The following SLC34A1 variants were observed in gnomAD, a reference collection of about 807,000 sequenced individuals.
The protein encoded by SLC34A1 is solute carrier family 34 member 1.
Under a neutral mutation model 51.4 loss-of-function variants are expected in SLC34A1, and 57 were observed. That is an observed-to-expected ratio of 1.11 (90% confidence interval 0.90 to 1.38). The LOEUF is 1.38. SLC34A1 is among the 40% of genes most tolerant of loss of function. SLC34A1 has a pLI of 0.00. For synonymous variants in SLC34A1, 368 were observed against 358.0 expected (o/e 1.03, Z -0.32); for missense variants, 796 against 835.6 (o/e 0.95, Z 0.58).
rs1439636975 is a variant in SLC34A1 at position 177,389,721 on chromosome 5, C to T, written c.936+1349C>T. 3.3e-6 allele frequency: 5 copies of T among 1,537,138 alleles called. No homozygotes were observed. In the South Asian group the frequency reaches 4.8e-5, roughly 15 times the overall value. On this transcript the variant is annotated intron_variant, in intron 8 of 12. Transcript: ENST00000324417. ...GAAGACAGCTCTGTTCCTCACTGCC[C>T]CTGAGCTCCCTGCCGGCCACCTACT... is the stretch of plus-strand genomic sequence containing the variant.
At chr5:177,387,199 T>C (rs1240574170) in intron 5 of SLC34A1, among the ~76,000 whole-genome samples, 5 of 148,956 alleles carry the variant, frequency 3.4e-5, no homozygotes, top group Admixed American at 6.7e-5. Flanking sequence ...TGAAACCCTG[T>C]CTCTACTAAA....
chr5:177,387,785 C>G lies in SLC34A1; in HGVS notation c.556C>G (p.Pro186Ala). Residue 186 changes from proline (P) to alanine (A), a missense_variant, in exon 6 of 13, where the codon CCC (proline) becomes GCC (alanine). Pro to Ala is a conservative substitution (Grantham distance 27). Transcript: ENST00000324417. Reference sequence around the variant, plus strand: ...AGTGCTGGAGGTGAGCTCTGCCATCCCCATCATCATGGGCTCCAACATCGG... The same window carrying G: ...AGTGCTGGAGGTGAGCTCTGCCATCGCCATCATCATGGGCTCCAACATCGG... ...SGLLEVSSAI[P>A]IIMGSNIGTS... 6.2e-7 allele frequency: 1 copy of G among 1,613,968 alleles called. No homozygotes were observed. The highest frequency in any genetic ancestry group is 8.5e-7 in the Non-Finnish European group (1 of 1,179,956).
At chr5:177,393,829 T>C (rs1581645265) in intron 9 of SLC34A1, 66 bp downstream of exon 9, 9 of 1,546,694 alleles carry the variant, frequency 5.8e-6, no homozygotes, top group Non-Finnish European at 8.9e-7. Flanking sequence ...GGCAGGGCAA[T>C]CCCACACAGC....
Position 177,395,971 on chromosome 5 carries a change from G to C in SLC34A1, c.1175-762G>C, listed in dbSNP as rs1762940836. ...CCATAAATTTTTTTTATAGAGATGGGCTCTCACTATGTTGGTCAGGCTAGT... is the reference window on the plus strand; with the variant it reads ...CCATAAATTTTTTTTATAGAGATGGCCTCTCACTATGTTGGTCAGGCTAGT... On this transcript the variant is annotated intron_variant, in intron 10 of 12. Coordinates refer to ENST00000324417, the MANE Select transcript of SLC34A1 (RefSeq NM_003052.5). Among the ~76,000 whole-genome samples the C allele has an allele frequency of 2.0e-5, 3 of 151,970 alleles. No homozygotes were observed. In the South Asian group the frequency reaches 6.2e-4, roughly 32 times the overall value.
In SLC34A1 at chr5:177,388,717, G is replaced by A. The variant is rs113019351; in HGVS notation, c.936+345G>A. ...ACCTACTGAATCTGGAAACCCCTGG[G>A]AGCGGGGCCAATGGCCTATGCTTCA... On this transcript the variant is annotated intron_variant, in intron 8 of 12. Coordinates refer to ENST00000324417, the MANE Select transcript of SLC34A1 (RefSeq NM_003052.5). The surrounding 1 kb of genome is among the most constrained non-coding windows in gnomAD (Gnocchi z 4.3). Among the ~76,000 whole-genome samples, 4 of 152,214 alleles carry A rather than the reference G, an allele frequency of 2.6e-5. No homozygotes were observed. The highest frequency in any genetic ancestry group is 9.6e-5 in the African/African-American group (4 of 41,502).
At chr5:177,391,875 A>G (rs1472569296) in intron 8 of SLC34A1, among the ~76,000 whole-genome samples, 2 of 152,218 alleles carry the variant, frequency 1.3e-5, no homozygotes, top group Non-Finnish European at 2.9e-5. Context: ...TGGCTTACCC[A>G]GGGTGGTTGG....
chr5:177,396,897 G>A lies in SLC34A1; in HGVS notation c.1291+48G>A, dbSNP rs1248932664. Reference sequence around the variant, plus strand: ...AGTGGGGTGGGCCAGGGCTGGCAGGGAAAGGGCCGAAGGAGACGCTGGGGG... The same window carrying A: ...AGTGGGGTGGGCCAGGGCTGGCAGGAAAAGGGCCGAAGGAGACGCTGGGGG... On this transcript the variant is annotated intron_variant, in intron 11 of 12. Coordinates refer to ENST00000324417, the MANE Select transcript of SLC34A1 (RefSeq NM_003052.5). This position sits in a 1 kb window ranked among gnomAD's most constrained non-coding sequence, Gnocchi z 4.0. 1.9e-6 allele frequency: 3 copies of A among 1,614,058 alleles called. No individual in the cohort carries two copies. Among genetic ancestry groups the A allele is most frequent in the African/African-American group, 2.7e-5 (2 of 74,952 alleles).
rs750014198 is a variant in SLC34A1, at chr5:177,393,779, A to G, written c.1006+16A>G. 2 of 1,613,816 alleles carry G rather than the reference A, an allele frequency of 1.2e-6. No homozygotes were observed. The highest frequency in any genetic ancestry group is 1.1e-5 in the South Asian group (1 of 91,066). On this transcript the variant is annotated intron_variant, in intron 9 of 12. Coordinates refer to ENST00000324417, the MANE Select transcript of SLC34A1 (RefSeq NM_003052.5). ...ATGGAGAAATGTAAGTGCCTGCAAC[A>G]TGGGAGGTGTCCTGCATGGCAGGGG...
chr5:177,386,195 C>G lies in SLC34A1; in HGVS notation c.260-26C>G, dbSNP rs2127346398. The G allele has an allele frequency of 1.2e-6, 2 of 1,614,152 alleles. No individual in the cohort carries two copies. The highest frequency in any genetic ancestry group is 4.5e-5 in the East Asian group (2 of 44,872). ...CAGTCCCTGCCCTGGCCTCTGCCCA[C>G]TATGCTCATGGCTTCCCCCATCCAG... On this transcript the variant is annotated intron_variant, in intron 3 of 12. Coordinates refer to ENST00000324417, the MANE Select transcript of SLC34A1 (RefSeq NM_003052.5). The surrounding 1 kb of genome is among the most constrained non-coding windows in gnomAD (Gnocchi z 4.8).
chr5:177,393,969 A>G, intron 9 of SLC34A1, 59 bp from the exon 10 acceptor site: 1 of 1,608,566 alleles, frequency 6.2e-7, no homozygotes, highest in Non-Finnish European at 8.5e-7. Flanking sequence ...CTGGGTGGCA[A>G]AGGTGGGGAC....
At chr5:177,390,672 G>A (rs1020619854) in intron 8 of SLC34A1, among the ~76,000 whole-genome samples, 1 of 151,680 alleles carries the variant, frequency 6.6e-6, no homozygotes, top group African/African-American at 2.4e-5. Context: ...TCTCCTTTTC[G>A]CCACCAGGTG....
At chr5:177,395,777 G>A (rs952608396) in intron 10 of SLC34A1, among the ~76,000 whole-genome samples, 3 of 152,166 alleles carry the variant, frequency 2.0e-5, no homozygotes, top group African/African-American at 7.2e-5. Flanking sequence ...GGGATTACAG[G>A]TGTGCACCGC....
intron 1 of SLC34A1, 72 bp from the exon 2 acceptor site, chr5:177,385,623 A>G: frequency 1.3e-6 from 1 of 752,226 alleles, no homozygotes; most frequent in Non-Finnish European, 2.4e-6. Context: ...ATTTGGAATC[A>G]TGCGCCATGG....
chr5:177,387,878 GGGGGGCT>G lies in SLC34A1; in HGVS notation c.644+11_644+17del. On this transcript the variant is annotated splice_donor_region_variant and intron_variant, in intron 6 of 12. Coordinates refer to ENST00000324417, the MANE Select transcript of SLC34A1 (RefSeq NM_003052.5). The stretch of plus-strand genomic sequence containing the variant: ...GGACAGGACTGACTTCCGGCGGTGA[GGGGGGCT>G]GGGGGTTGGGGGCTCGTGCCTGGGG... 1 of 1,609,356 alleles carries G rather than the reference GGGGGGCT, an allele frequency of 6.2e-7. No individual in the cohort carries two copies. Among genetic ancestry groups the G allele is most frequent in the Non-Finnish European group, 8.5e-7 (1 of 1,177,550 alleles).
Position 177,386,612 on chromosome 5 carries a change from A to G in SLC34A1, c.532+46A>G. 6.2e-7 allele frequency: 1 copy of G among 1,610,740 alleles called. No homozygotes were observed. Among genetic ancestry groups the G allele is most frequent in the Non-Finnish European group, 8.5e-7 (1 of 1,179,366 alleles). On this transcript the variant is annotated intron_variant, in intron 5 of 12. Coordinates refer to ENST00000324417, the MANE Select transcript of SLC34A1 (RefSeq NM_003052.5). The surrounding 1 kb of genome is among the most constrained non-coding windows in gnomAD (Gnocchi z 4.8). ...GGGGAAGAGCTTGGAGGGGCACCCC[A>G]GGAGCTGGGAAGGGTGGCAAATGGG...
chr5:177,385,068 G>A (rs554285665), intron 1 of SLC34A1, among the ~76,000 whole-genome samples: 25 of 152,190 alleles, frequency 1.6e-4, no homozygotes, highest in African/African-American at 6.0e-4. Flanking sequence ...TGCCCCTTGA[G>A]GGGGTGGATG....
intron 10 of SLC34A1, among the ~76,000 whole-genome samples, chr5:177,394,687 T>C (rs989950420): frequency 5.8e-5 from 8 of 136,838 alleles, no homozygotes; most frequent in African/African-American, 2.2e-4. Flanking sequence ...TGAGACTTTG[T>C]CTTTTTTTTT....
At chr5:177,387,714 G>A (rs777222702) in intron 5 of SLC34A1, 48 bp from the exon 6 acceptor site, 1 of 1,494,502 alleles carries the variant, frequency 6.7e-7, no homozygotes, top group South Asian at 1.1e-5. Context: ...TGGTGGTGCA[G>A]GAGCTGGGTG....
In SLC34A1 at chr5:177,386,190, G is replaced by A. The variant is rs753775322; in HGVS notation, c.260-31G>A. Reference sequence around the variant, plus strand: ...GGCAGCAGTCCCTGCCCTGGCCTCTGCCCACTATGCTCATGGCTTCCCCCA... The same window carrying A: ...GGCAGCAGTCCCTGCCCTGGCCTCTACCCACTATGCTCATGGCTTCCCCCA... On this transcript the variant is annotated intron_variant, in intron 3 of 12. Coordinates refer to ENST00000324417, the MANE Select transcript of SLC34A1 (RefSeq NM_003052.5). This position sits in a 1 kb window ranked among gnomAD's most constrained non-coding sequence, Gnocchi z 4.8. 6.8e-6 allele frequency: 11 copies of A among 1,614,068 alleles called. No homozygotes were observed. The highest frequency in any genetic ancestry group is 9.3e-6 in the Non-Finnish European group (11 of 1,180,024).
Sources: allele counts gnomAD v4.1 joint callset (sites outside exome capture counted in the v4.1 genomes callset), GRCh38; gene constraint gnomAD v4.1.1; non-coding constraint Gnocchi (gnomAD v3.1); transcripts MANE v1.5; gene names NCBI Gene and HGNC (gene_info 2026-07-23, HGNC 2026-07-21).